SLC24A3: variants seen among roughly 807,000 people sequenced by gnomAD.
SLC24A3 encodes solute carrier family 24 member 3, also known as sodium/potassium/calcium exchanger 3.
In SLC24A3, 28 loss-of-function variants were observed where a neutral mutation model predicts 75.8. That is an observed-to-expected ratio of 0.37 (90% CI 0.27 to 0.51). SLC24A3 has a LOEUF of 0.51. Ranked by LOEUF, SLC24A3 falls within the 20% of genes least tolerant of loss-of-function variation. SLC24A3 has a pLI of 0.94. For missense variants in SLC24A3, 663 were observed against 847.8 expected (o/e 0.78, Z 2.71); for synonymous variants, 372 against 334.1 (o/e 1.11, Z -1.24).
intron 1 of SLC24A3, among the ~76,000 whole-genome samples, chr20:19,256,098 C>CTAA (rs3058400): frequency 0.015 from 2,298 of 149,390 alleles, 43 homozygotes; most frequent in African/African-American, 0.047. Context: ...GACCCTGTCT[C>CTAA]TAATAATAAT....
intron 2 of SLC24A3, among the ~76,000 whole-genome samples, chr20:19,412,014 G>T (rs1986751325): frequency 6.6e-6 from 1 of 152,114 alleles, no homozygotes; most frequent in African/African-American, 2.4e-5. Context: ...TGAGTACACG[G>T]GGTCAGGGTC....
chr20:19,667,690 T>G (rs556290140), intron 8 of SLC24A3, among the ~76,000 whole-genome samples: 216 of 152,350 alleles, frequency 1.4e-3, no homozygotes, highest in African/African-American at 4.8e-3. Context: ...TCCATGGCAT[T>G]GCTGTATGAA....
At chr20:19,519,255 T>C (rs1294159791) in intron 3 of SLC24A3, among the ~76,000 whole-genome samples, 4 of 152,230 alleles carry the variant, frequency 2.6e-5, no homozygotes. Flanking sequence ...GGTAGAAGTC[T>C]GGAGACACAG....
intron 3 of SLC24A3, among the ~76,000 whole-genome samples, chr20:19,575,846 G>C (rs922848192): frequency 6.6e-6 from 1 of 152,242 alleles, no homozygotes; most frequent in African/African-American, 2.4e-5. Context: ...TGGATGGCTG[G>C]AATTCTAAAA....
intron 2 of SLC24A3, among the ~76,000 whole-genome samples, chr20:19,496,033 AC>A (rs1159180883): frequency 6.6e-6 from 1 of 152,168 alleles, no homozygotes; most frequent in Non-Finnish European, 1.5e-5. Flanking sequence ...GCCAGTGAAA[AC>A]ACTGAGAAGA....
intron 12 of SLC24A3, among the ~76,000 whole-genome samples, chr20:19,690,150 C>G (rs2032729815): frequency 1.3e-5 from 2 of 151,278 alleles, no homozygotes; most frequent in South Asian, 4.2e-4. Context: ...GTTATATTTG[C>G]TGCATTACAT....
At chr20:19,461,484 T>C (rs77549772) in intron 2 of SLC24A3, among the ~76,000 whole-genome samples, 3,622 of 152,026 alleles carry the variant, frequency 0.024, 142 homozygotes, top group African/African-American at 0.083. Flanking sequence ...TGGGCACTTA[T>C]TATTCGCCAG....
intron 2 of SLC24A3, among the ~76,000 whole-genome samples, chr20:19,473,347 G>T (rs531791691): frequency 1.9e-4 from 29 of 152,250 alleles, no homozygotes; most frequent in African/African-American, 6.5e-4. Context: ...TATGGAATTG[G>T]CTAAGTTCAG....
intron 15 of SLC24A3, among the ~76,000 whole-genome samples, chr20:19,705,742 A>G (rs532876107): frequency 2.6e-4 from 39 of 152,204 alleles, no homozygotes; most frequent in Middle Eastern, 3.4e-3. Context: ...TCCAAGTCAT[A>G]ATTATCTGAT....
intron 2 of SLC24A3, among the ~76,000 whole-genome samples, chr20:19,360,490 T>C (rs1022779654): frequency 6.6e-6 from 1 of 152,204 alleles, no homozygotes; most frequent in African/African-American, 2.4e-5. Context: ...CATTTCAACA[T>C]GGGGATGCCA....
At chr20:19,441,642 C>T (rs369768332) in intron 2 of SLC24A3, among the ~76,000 whole-genome samples, 2 of 152,218 alleles carry the variant, frequency 1.3e-5, no homozygotes, top group African/African-American at 4.8e-5. Context: ...TAGTGTGGTA[C>T]ATTTATTACG....
At chr20:19,381,226 T>C (rs533076068) in intron 2 of SLC24A3, among the ~76,000 whole-genome samples, 1 of 152,336 alleles carries the variant, frequency 6.6e-6, no homozygotes, top group East Asian at 1.9e-4. Flanking sequence ...TGCATTGTTA[T>C]GGGAGGTGGG....
intron 8 of SLC24A3, 58 bp from the exon 9 acceptor site, chr20:19,673,543 G>A: frequency 6.9e-7 from 1 of 1,443,316 alleles, no homozygotes; most frequent in Non-Finnish European, 9.7e-7. Context: ...TAAAAATGAG[G>A]CAGGTGAGTT....
chr20:19,648,987 G>T (rs886544643), intron 6 of SLC24A3, among the ~76,000 whole-genome samples: 2 of 152,218 alleles, frequency 1.3e-5, no homozygotes, highest in Non-Finnish European at 2.9e-5. Context: ...TTATTGACCA[G>T]TGAGGTCAAG....
chr20:19,510,620 G>A (rs560743043), intron 2 of SLC24A3, among the ~76,000 whole-genome samples: 5 of 152,296 alleles, frequency 3.3e-5, no homozygotes, highest in African/African-American at 7.2e-5. Context: ...AGGTGTAAGA[G>A]TGGGACCCCA....
chr20:19,438,030 G>A (rs1402427335), intron 2 of SLC24A3, among the ~76,000 whole-genome samples: 1 of 152,186 alleles, frequency 6.6e-6, no homozygotes, highest in East Asian at 1.9e-4. Flanking sequence ...GGCTTTCCCT[G>A]AAAGGCTCTG....
At chr20:19,597,734 C>G (rs2031469517) in intron 6 of SLC24A3, among the ~76,000 whole-genome samples, 1 of 152,154 alleles carries the variant, frequency 6.6e-6, no homozygotes, top group East Asian at 1.9e-4. Context: ...CACCCCACAC[C>G]CTGCCCAGTT....
intron 2 of SLC24A3, among the ~76,000 whole-genome samples, chr20:19,437,566 G>A (rs1987227164): frequency 6.6e-6 from 1 of 152,180 alleles, no homozygotes; most frequent in Admixed American, 6.5e-5. Flanking sequence ...AAGTGCTGGG[G>A]CCAACATCAT....
intron 2 of SLC24A3, among the ~76,000 whole-genome samples, chr20:19,480,052 CAT>C (rs1377288998): frequency 1.3e-5 from 2 of 152,210 alleles, no homozygotes; most frequent in Non-Finnish European, 2.9e-5. Context: ...CCAGGAAATG[CAT>C]ATGAGGTGCT....
Sources: gnomAD v4.1 joint callset for allele counts (sites outside exome capture counted in the v4.1 genomes callset) on GRCh38, gnomAD v4.1.1 for gene constraint, MANE v1.5 for transcripts, NCBI Gene and HGNC (gene_info 2026-07-23, HGNC 2026-07-21) for gene names.